Variants in LRRC4C observed in about 807,000 individuals in gnomAD.
LRRC4C encodes leucine-rich repeat-containing protein 4C.
A neutral mutation model predicts 33.6 loss-of-function variants in LRRC4C; 5 were observed. The ratio of observed to expected loss-of-function variants is 0.15; its 90% CI spans 0.08 to 0.31. LRRC4C has a LOEUF of 0.31. Ranked by LOEUF, LRRC4C falls within the 10% of genes least tolerant of loss-of-function variation. The pLI is 1.00. For synonymous variants in LRRC4C, 329 were observed against 302.0 expected, an observed-to-expected ratio of 1.09 and a Z score of -0.93; for missense variants, 560 against 796.7, an observed-to-expected ratio of 0.70 and a Z score of 3.58.
chr11:41,449,228 G>A (rs1481570817), intron 1 of LRRC4C, among the ~76,000 whole-genome samples: 1 of 152,166 alleles, frequency 6.6e-6, no homozygotes, highest in Non-Finnish European at 1.5e-5. Context: ...TGAAGACATC[G>A]TCAAAACAGA....
chr11:40,972,400 G>GCC (rs1249976114), intron 1 of LRRC4C, among the ~76,000 whole-genome samples: 1 of 152,088 alleles, frequency 6.6e-6, no homozygotes, highest in Non-Finnish European at 1.5e-5. Flanking sequence ...GCTTCCCAAA[G>GCC]TGCTGGGATT....
At chr11:40,789,057 C>A (rs1950528552) in intron 2 of LRRC4C, among the ~76,000 whole-genome samples, 1 of 139,836 alleles carries the variant, frequency 7.2e-6, no homozygotes, top group African/African-American at 2.7e-5. Flanking sequence ...CGCGCCACTG[C>A]GCTCCAGCCT....
At chr11:41,180,974 A>T (rs1300149308) in intron 1 of LRRC4C, among the ~76,000 whole-genome samples, 1 of 152,156 alleles carries the variant, frequency 6.6e-6, no homozygotes, top group African/African-American at 2.4e-5. Context: ...TTAGACATGT[A>T]TTCGTGCAGA....
At chr11:40,653,047 T>A (rs1942898572) in intron 2 of LRRC4C, among the ~76,000 whole-genome samples, 1 of 152,228 alleles carries the variant, frequency 6.6e-6, no homozygotes, top group South Asian at 2.1e-4. Context: ...GTAAGTGTCA[T>A]GAGGCTTTCC....
chr11:41,437,691 A>C (rs1353227070), intron 1 of LRRC4C, among the ~76,000 whole-genome samples: 1 of 152,114 alleles, frequency 6.6e-6, no homozygotes, highest in East Asian at 1.9e-4. Flanking sequence ...TAACTATAAA[A>C]ATCTCCTGAC....
chr11:41,092,658 A>G (rs1940509287), intron 1 of LRRC4C, among the ~76,000 whole-genome samples: 1 of 152,202 alleles, frequency 6.6e-6, no homozygotes, highest in South Asian at 2.1e-4. Flanking sequence ...CCAATGTTGA[A>G]TTACTCCCTC....
chr11:41,252,979 T>C (rs975729925), intron 1 of LRRC4C, among the ~76,000 whole-genome samples: 1 of 152,144 alleles, frequency 6.6e-6, no homozygotes, highest in Admixed American at 6.5e-5. Flanking sequence ...CAATTCAAGA[T>C]GAGACTTGGA....
chr11:40,248,015 T>C (rs1026262677), intron 4 of LRRC4C, among the ~76,000 whole-genome samples: 6 of 152,202 alleles, frequency 3.9e-5, no homozygotes, highest in African/African-American at 1.4e-4. Context: ...ACCTCATTTG[T>C]ATGTAATCGT....
At chr11:41,044,714 G>A (rs1200110720) in intron 1 of LRRC4C, among the ~76,000 whole-genome samples, 1 of 152,096 alleles carries the variant, frequency 6.6e-6, no homozygotes, top group Non-Finnish European at 1.5e-5. Context: ...ACGCAGTTAT[G>A]TGATATACTA....
chr11:41,311,014 G>A (rs900150789), intron 1 of LRRC4C, among the ~76,000 whole-genome samples: 7 of 152,054 alleles, frequency 4.6e-5, no homozygotes, highest in African/African-American at 1.4e-4. Context: ...TCCAACCTTC[G>A]CTTAGTGCCT....
At chr11:40,196,649 A>T (rs1862284663) in intron 5 of LRRC4C, among the ~76,000 whole-genome samples, 1 of 152,216 alleles carries the variant, frequency 6.6e-6, no homozygotes, top group African/African-American at 2.4e-5. Context: ...TACATTTCTC[A>T]TTGGAAAGGC....
intron 2 of LRRC4C, among the ~76,000 whole-genome samples, chr11:40,702,602 C>T (rs1342978289): frequency 1.3e-5 from 2 of 152,126 alleles, no homozygotes; most frequent in African/African-American, 4.8e-5. Context: ...CCATGTTTCC[C>T]TGTCCTCATG....
At chr11:40,689,742 T>G (rs570310364) in intron 2 of LRRC4C, among the ~76,000 whole-genome samples, 46 of 152,220 alleles carry the variant, frequency 3.0e-4, no homozygotes, top group Non-Finnish European at 6.0e-4. Flanking sequence ...CTTTTCCCTT[T>G]TAGGTTTCTA....
chr11:41,006,100 C>A lies in LRRC4C; in HGVS notation c.-495-72377G>T, dbSNP rs538588433. Among the ~76,000 whole-genome samples the A allele has an allele frequency of 1.0e-3, 159 of 152,090 alleles. 1 individual carries two copies. The highest frequency in any genetic ancestry group is 3.4e-3 in the Middle Eastern group (1 of 292). On this transcript the variant is annotated intron_variant, in intron 1 of 6. Transcript: ENST00000528697. The stretch of plus-strand genomic sequence containing the variant: ...GAATTTTCAACATATGTTTCACACA[C>A]AAAAAAATGCTTTAAGCATTCTGCA...
At chr11:41,296,877 G>T (rs932301079) in intron 1 of LRRC4C, among the ~76,000 whole-genome samples, 58 of 152,192 alleles carry the variant, frequency 3.8e-4, no homozygotes, top group African/African-American at 1.3e-3. Flanking sequence ...ATAATAAAAA[G>T]TACTTCTTGA....
At chr11:40,715,242 G>T (rs1946648571) in intron 2 of LRRC4C, among the ~76,000 whole-genome samples, 1 of 152,190 alleles carries the variant, frequency 6.6e-6, no homozygotes, top group African/African-American at 2.4e-5. Context: ...AGTGAGCAAA[G>T]ATGTTAAATA....
chr11:40,480,858 G>A (rs1000306467), intron 3 of LRRC4C, among the ~76,000 whole-genome samples: 1 of 151,962 alleles, frequency 6.6e-6, no homozygotes. Context: ...CATGTTTTTA[G>A]TTAGATGGGG....
chr11:40,740,403 G>T (rs930158354), intron 2 of LRRC4C, among the ~76,000 whole-genome samples: 1 of 151,766 alleles, frequency 6.6e-6, no homozygotes, highest in African/African-American at 2.4e-5. Context: ...CTTCACTGTT[G>T]TTGAGGAATT....
chr11:40,562,293 G>C (rs1957579694), intron 3 of LRRC4C, among the ~76,000 whole-genome samples: 2 of 152,114 alleles, frequency 1.3e-5, no homozygotes, highest in Admixed American at 6.5e-5. Context: ...TGTATTTATA[G>C]TGTTTTTTCT....
Sources: gnomAD v4.1 joint callset for allele counts (sites outside exome capture counted in the v4.1 genomes callset) on GRCh38, gnomAD v4.1.1 for gene constraint, MANE v1.5 for transcripts, NCBI Gene and HGNC (gene_info 2026-07-23, HGNC 2026-07-21) for gene names.